ZFAND3: variants seen among roughly 807,000 people sequenced by gnomAD.
ZFAND3 encodes zinc finger AN1-type containing 3, also known as AN1-type zinc finger protein 3.
ZFAND3 carries 10 observed loss-of-function variants against 29.6 expected under a neutral mutation model. The ratio of observed to expected loss-of-function variants is 0.34; its 90% CI spans 0.21 to 0.57. ZFAND3 has a LOEUF of 0.57. Ranked by LOEUF, ZFAND3 falls within the 20% of genes least tolerant of loss-of-function variation. ZFAND3 has a pLI of 0.86. For synonymous variants in ZFAND3, 128 were observed against 112.6 expected (o/e 1.14, Z -0.87); for missense variants, 230 against 304.5 (o/e 0.76, Z 1.82).
At chr6:37,827,414 A>T (rs1245857358) in intron 1 of ZFAND3, among the ~76,000 whole-genome samples, 1 of 152,188 alleles carries the variant, frequency 6.6e-6, no homozygotes, top group Non-Finnish European at 1.5e-5. Flanking sequence ...TTGAAAGTTG[A>T]TAGGTTGTAG....
chr6:38,112,874 A>G (rs1252242520), intron 4 of ZFAND3, among the ~76,000 whole-genome samples: 1 of 152,166 alleles, frequency 6.6e-6, no homozygotes, highest in African/African-American at 2.4e-5. Flanking sequence ...GATTCTATAG[A>G]TTACTATTTA....
At chr6:38,074,366 A>G (rs1291309533) in intron 3 of ZFAND3, among the ~76,000 whole-genome samples, 1 of 152,224 alleles carries the variant, frequency 6.6e-6, no homozygotes, top group Non-Finnish European at 1.5e-5. Context: ...ATTTTAAATG[A>G]AAACATTTTT....
At chr6:38,116,079 C>A (rs2127484549) in intron 4 of ZFAND3, among the ~76,000 whole-genome samples, 1 of 152,320 alleles carries the variant, frequency 6.6e-6, no homozygotes, top group South Asian at 2.1e-4. Context: ...GATCACTCAT[C>A]AAACGCTGGC....
intron 1 of ZFAND3, among the ~76,000 whole-genome samples, chr6:37,929,264 C>T (rs1316589697): frequency 1.3e-5 from 2 of 152,014 alleles, no homozygotes; most frequent in African/African-American, 2.4e-5. Flanking sequence ...TTTAAAAGTG[C>T]GTTTTAAAAG....
At chr6:38,092,622 T>C (rs932105613) in intron 4 of ZFAND3, among the ~76,000 whole-genome samples, 7 of 152,196 alleles carry the variant, frequency 4.6e-5, no homozygotes, top group Admixed American at 2.0e-4. Context: ...AGTAGGACTG[T>C]GTTTTCCAGT....
intron 1 of ZFAND3, among the ~76,000 whole-genome samples, chr6:37,839,820 G>A (rs1166865961): frequency 6.6e-6 from 1 of 151,892 alleles, no homozygotes; most frequent in Non-Finnish European, 1.5e-5. Context: ...GCCATAAGTT[G>A]TAAAATTTAT....
chr6:38,031,651 C>G (rs1425302818), intron 2 of ZFAND3, among the ~76,000 whole-genome samples: 1 of 152,164 alleles, frequency 6.6e-6, no homozygotes, highest in East Asian at 1.9e-4. Context: ...CTCTAGGAGC[C>G]TTAGCTTCTC....
At chr6:37,950,141 T>C (rs1253796689) in intron 2 of ZFAND3, among the ~76,000 whole-genome samples, 1 of 152,224 alleles carries the variant, frequency 6.6e-6, no homozygotes, top group Non-Finnish European at 1.5e-5. Flanking sequence ...GTGCAGAAGC[T>C]CTATACTTAG....
chr6:37,880,358 A>G (rs1764869407), intron 1 of ZFAND3, among the ~76,000 whole-genome samples: 1 of 152,214 alleles, frequency 6.6e-6, no homozygotes, highest in Non-Finnish European at 1.5e-5. Flanking sequence ...GGAGCTGAAA[A>G]AGAAAAATGT....
chr6:38,124,632 A>G (rs1053770449), intron 5 of ZFAND3, among the ~76,000 whole-genome samples: 16 of 152,192 alleles, frequency 1.1e-4, no homozygotes, highest in Non-Finnish European at 2.1e-4. Context: ...CGCCAAGCCC[A>G]TGCCCATCTG....
chr6:37,919,600 C>A (rs1238676048), intron 1 of ZFAND3, among the ~76,000 whole-genome samples: 1 of 152,036 alleles, frequency 6.6e-6, no homozygotes, highest in Non-Finnish European at 1.5e-5. Context: ...TTATCCCAAG[C>A]CACAAGAATT....
Position 38,144,226 on chromosome 6 carries a change from TATATA to T in ZFAND3, c.530-8008_530-8004del, listed in dbSNP as rs1562016186. On this transcript the variant is annotated intron_variant, in intron 5 of 5. Transcript: ENST00000287218. ...ATATATATATAATATATAATATATATATATATTTTTTTTTTAATAAGGTTGCTTGA... is the reference window on the plus strand; with the variant it reads ...ATATATATATAATATATAATATATATTTTTTTTTTTAATAAGGTTGCTTGA... Among the ~76,000 whole-genome samples the T allele has an allele frequency of 1.7e-3, 133 of 76,644 alleles. 2 individuals are homozygous for T. Among genetic ancestry groups the T allele is most frequent in the African/African-American group, 2.9e-3 (52 of 17,816 alleles). The allele number at this position is 76,644 out of a possible 152,430, so 50.3% of individuals were successfully genotyped here.
intron 2 of ZFAND3, among the ~76,000 whole-genome samples, chr6:38,015,270 A>T (rs1452032578): frequency 6.6e-6 from 1 of 152,238 alleles, no homozygotes; most frequent in Non-Finnish European, 1.5e-5. Flanking sequence ...GCAAATTAAA[A>T]CAAAAATGAG....
chr6:38,132,929 C>T (rs949015659), intron 5 of ZFAND3, among the ~76,000 whole-genome samples: 1 of 152,212 alleles, frequency 6.6e-6, no homozygotes, highest in Non-Finnish European at 1.5e-5. Context: ...GATTTGAGCA[C>T]TGTGATGTAA....
chr6:37,915,271 G>A (rs1351737916), intron 1 of ZFAND3, among the ~76,000 whole-genome samples: 1 of 152,150 alleles, frequency 6.6e-6, no homozygotes, highest in African/African-American at 2.4e-5. Context: ...TATTATGGCT[G>A]GTTTGATCTT....
chr6:38,144,195 A>AT (rs1295885719), intron 5 of ZFAND3, among the ~76,000 whole-genome samples: 10 of 28,564 alleles, frequency 3.5e-4, no homozygotes, highest in South Asian at 1.3e-3. Context: ...ATATATATAT[A>AT]TATATATATA....
chr6:37,889,705 G>T (rs1302631936), intron 1 of ZFAND3, among the ~76,000 whole-genome samples: 2 of 152,200 alleles, frequency 1.3e-5, no homozygotes, highest in African/African-American at 4.8e-5. Context: ...ATGGGGCATT[G>T]CTGTACTTGG....
intron 4 of ZFAND3, among the ~76,000 whole-genome samples, chr6:38,098,059 G>A (rs1254725199): frequency 6.6e-6 from 1 of 152,126 alleles, no homozygotes; most frequent in Non-Finnish European, 1.5e-5. Context: ...CTTTTTTCTA[G>A]CCTGGCCCCA....
At chr6:37,913,147 A>G (rs1398047830) in intron 1 of ZFAND3, among the ~76,000 whole-genome samples, 1 of 152,212 alleles carries the variant, frequency 6.6e-6, no homozygotes, top group Non-Finnish European at 1.5e-5. Context: ...GGGCTCTGGC[A>G]GTTTCCTAAA....
Sources: gnomAD v4.1 joint callset for allele counts (sites outside exome capture counted in the v4.1 genomes callset) on GRCh38, gnomAD v4.1.1 for gene constraint, MANE v1.5 for transcripts, NCBI Gene and HGNC (gene_info 2026-07-23, HGNC 2026-07-21) for gene names.